The following MRAP2 variants were observed in gnomAD, a reference collection of about 807,000 sequenced individuals.
MRAP2 encodes the protein melanocortin-2 receptor accessory protein 2.
Under a neutral mutation model 17.4 loss-of-function variants are expected in MRAP2, and 20 were observed. The observed-to-expected ratio is 1.15, with a 90% CI of 0.81 to 1.67. MRAP2 has a LOEUF of 1.67. Among genes scored for constraint, MRAP2 ranks in the 40% most tolerant of loss-of-function variants. MRAP2 has a pLI of 0.00. For synonymous variants in MRAP2, 96 were observed against 88.4 expected, an observed-to-expected ratio of 1.09 and a Z score of -0.48; for missense variants, 238 against 240.0, an observed-to-expected ratio of 0.99 and a Z score of 0.05.
upstream of MRAP2, among the ~76,000 whole-genome samples, chr6:84,033,370 G>A (rs1467208771): frequency 6.6e-6 from 1 of 152,134 alleles, no homozygotes; most frequent in African/African-American, 2.4e-5. Context: ...CTAAAATCGA[G>A]GTAGTAATTT....
chr6:84,122,101 G>C, the MRAP2 span, among the ~76,000 whole-genome samples: 1 of 151,942 alleles, frequency 6.6e-6, no homozygotes, highest in African/African-American at 2.4e-5. Flanking sequence ...AAAAAGCCCA[G>C]GATCAGATGG....
chr6:84,098,108 C>G, the MRAP2 span, among the ~76,000 whole-genome samples: 1 of 152,018 alleles, frequency 6.6e-6, no homozygotes, highest in African/African-American at 2.4e-5. Flanking sequence ...CTTTTATAAT[C>G]CCTCCCTCCC....
At chr6:84,126,870 C>T in the MRAP2 span, among the ~76,000 whole-genome samples, 1 of 152,136 alleles carries the variant, frequency 6.6e-6, no homozygotes, top group Non-Finnish European at 1.5e-5. Flanking sequence ...ACATTTAAAG[C>T]ACTCAACATA....
At chr6:84,123,934 A>G in the MRAP2 span, among the ~76,000 whole-genome samples, 1 of 152,188 alleles carries the variant, frequency 6.6e-6, no homozygotes, top group African/African-American at 2.4e-5. Flanking sequence ...GTCAACAGAA[A>G]TACAACTGAC....
At chr6:84,079,722 G>A (rs1401058301) in intron 3 of MRAP2, among the ~76,000 whole-genome samples, 1 of 152,152 alleles carries the variant, frequency 6.6e-6, no homozygotes, top group African/African-American at 2.4e-5. Flanking sequence ...TAAACTATGT[G>A]TGTATTCTAG....
chr6:84,050,015 C>G (rs1358805230), intron 1 of MRAP2, among the ~76,000 whole-genome samples: 2 of 146,502 alleles, frequency 1.4e-5, no homozygotes, highest in Admixed American at 6.6e-5. Flanking sequence ...TGTAATGTCT[C>G]TAGACTGAAT....
chr6:84,055,402 T>C lies in MRAP2; in HGVS notation c.84T>C (p.Tyr28=), dbSNP rs2099491430. Residue 28 remains tyrosine, a synonymous_variant, in exon 2 of 4, where the codon TAT becomes TAC. Transcript: ENST00000257776. ...ATTACACCTGGGAATATGAATATTA[T>C]GAGATTGGACCAGTTTCCTTTGAAG... ...NSDYTWEYEY[Y]EIGPVSFEGL... 1.3e-6 allele frequency: 2 copies of C among 1,594,394 alleles called. No individual in the cohort carries two copies. The highest frequency in any genetic ancestry group is 2.2e-5 in the East Asian group (1 of 44,740).
the MRAP2 span, among the ~76,000 whole-genome samples, chr6:84,128,853 C>G: frequency 1.3e-5 from 2 of 151,716 alleles, no homozygotes; most frequent in Non-Finnish European, 2.9e-5. Context: ...ACCCCCAACC[C>G]CCCGACAGGC....
the MRAP2 span, among the ~76,000 whole-genome samples, chr6:84,107,089 C>T: frequency 1.3e-5 from 2 of 152,118 alleles, no homozygotes; most frequent in Non-Finnish European, 2.9e-5. Flanking sequence ...ACCTCAAGCA[C>T]CATTGGATCT....
intron 3 of MRAP2, among the ~76,000 whole-genome samples, chr6:84,069,352 C>G (rs888876799): frequency 7.9e-5 from 12 of 152,172 alleles, no homozygotes; most frequent in African/African-American, 2.9e-4. Context: ...TTGAGATGAT[C>G]ATGTATTTTT....
At chr6:84,125,206 G>C in the MRAP2 span, 2 of 1,613,452 alleles carry the variant, frequency 1.2e-6, no homozygotes, top group Non-Finnish European at 1.7e-6. Flanking sequence ...CTTTAACTGT[G>C]CCAGTCTTTT....
the MRAP2 span, among the ~76,000 whole-genome samples, chr6:84,134,372 A>G: frequency 6.6e-6 from 1 of 152,100 alleles, no homozygotes; most frequent in Non-Finnish European, 1.5e-5. Context: ...TCTTGCTGGC[A>G]TTCCAGGCGC....
chr6:84,045,473 T>C (rs963606299), intron 1 of MRAP2, among the ~76,000 whole-genome samples: 4 of 151,704 alleles, frequency 2.6e-5, no homozygotes, highest in African/African-American at 4.8e-5. Context: ...AAAAAAAATA[T>C]ACACACAGGC....
the MRAP2 span, among the ~76,000 whole-genome samples, chr6:84,123,620 A>T: frequency 5.3e-5 from 8 of 152,198 alleles, no homozygotes; most frequent in African/African-American, 1.9e-4. Context: ...AAAGTATTAA[A>T]ATGCTAGAAG....
chr6:84,118,523 A>G, the MRAP2 span, among the ~76,000 whole-genome samples: 1 of 152,088 alleles, frequency 6.6e-6, no homozygotes, highest in Non-Finnish European at 1.5e-5. Flanking sequence ...CAGTCTGACC[A>G]CATTCTGGCA....
chr6:84,128,481 G>C, the MRAP2 span, among the ~76,000 whole-genome samples: 3 of 152,080 alleles, frequency 2.0e-5, no homozygotes, highest in Non-Finnish European at 4.4e-5. Flanking sequence ...ATTAATAAGA[G>C]CCTGAGACCT....
chr6:84,087,104 C>A (rs1054721248), intron 3 of MRAP2, among the ~76,000 whole-genome samples: 1 of 152,200 alleles, frequency 6.6e-6, no homozygotes, highest in Non-Finnish European at 1.5e-5. Context: ...GGGTTGAGGA[C>A]ACACACCCAT....
At chr6:84,082,406 C>T (rs1176302231) in intron 3 of MRAP2, among the ~76,000 whole-genome samples, 5 of 152,148 alleles carry the variant, frequency 3.3e-5, no homozygotes, top group African/African-American at 7.2e-5. Context: ...CTTCATGAAC[C>T]TTTCATGACC....
the MRAP2 span, among the ~76,000 whole-genome samples, chr6:84,128,177 TA>T: frequency 6.6e-6 from 1 of 152,342 alleles, no homozygotes; most frequent in African/African-American, 2.4e-5. Flanking sequence ...TTTCAATGAT[TA>T]AACATTCATT....
Sources: allele counts gnomAD v4.1 joint callset (sites outside exome capture counted in the v4.1 genomes callset), GRCh38; gene constraint gnomAD v4.1.1; transcripts MANE v1.5; gene names NCBI Gene and HGNC (gene_info 2026-07-23, HGNC 2026-07-21).